The following TMC1 variants were observed in gnomAD, a reference collection of about 807,000 sequenced individuals.
TMC1 encodes transmembrane channel like 1, also known as transmembrane channel-like protein 1.
A neutral mutation model predicts 105.8 loss-of-function variants in TMC1; 84 were observed. The observed-to-expected ratio is 0.79, with a 90% CI of 0.67 to 0.95. TMC1 has a LOEUF of 0.95. Among genes scored for constraint, TMC1 ranks in the 40% least tolerant of loss-of-function variants. The pLI, the probability that TMC1 is intolerant of heterozygous loss-of-function variation, is 0.00. For missense variants in TMC1, 817 were observed against 914.1 expected (o/e 0.89, Z 1.37); for synonymous variants, 315 against 311.5 (o/e 1.01, Z -0.12).
At position 72,727,166 on chromosome 9, in the gene TMC1, T is replaced by A. The variant is rs569808107; in HGVS notation, c.363-12953T>A. 2.0e-5 allele frequency among the ~76,000 whole-genome samples: 3 copies of A among 152,338 alleles called. 1 individual carries two copies. In the East Asian group the frequency reaches 5.8e-4, roughly 29 times the overall value. On this transcript the variant is annotated intron_variant, in intron 8 of 23. Transcript: ENST00000297784. ...GGAATGCCCTCTCTGCCTACTCGAA[T>A]TCTATTAGCTCTTTAACATCCATTT...
rs1481117336 is a variant in TMC1, at chr9:72,788,430, G to A, written c.976G>A (p.Gly326Ser). 3.1e-6 allele frequency: 5 copies of A among 1,613,952 alleles called. No homozygotes were observed. Among genetic ancestry groups the A allele is most frequent in the Admixed American group, 3.3e-5 (2 of 60,018 alleles). Residue 326 changes from glycine (G) to serine (S), a missense_variant, in exon 14 of 24, where the codon GGC becomes AGC. Gly to Ser is a moderately conservative substitution (Grantham distance 56). Coordinates refer to ENST00000297784, the MANE Select transcript of TMC1 (RefSeq NM_138691.3). ...KVFTSWDYLI[G>S]NPETADNKFN... ...CTTTACCAGCTGGGACTACCTGATCGGCAATCCTGAAACAGCAGACAACAA... is the reference window on the plus strand; with the variant it reads ...CTTTACCAGCTGGGACTACCTGATCAGCAATCCTGAAACAGCAGACAACAA...
Position 72,789,324 on chromosome 9 carries a change from C to A in TMC1, c.1224+7C>A. On this transcript the variant is annotated splice_region_variant and intron_variant, in intron 15 of 23. Coordinates refer to ENST00000297784, the MANE Select transcript of TMC1 (RefSeq NM_138691.3). ...GTGGTGGGAAAAAAATGAAGTTCGT[C>A]TCTGCATGCTTTTTATGTGCTTAGA... The A allele has an allele frequency of 6.2e-7, 1 of 1,613,012 alleles. No homozygotes were observed. The highest frequency in any genetic ancestry group is 1.3e-5 in the African/African-American group (1 of 75,004).
intron 8 of TMC1, among the ~76,000 whole-genome samples, chr9:72,730,819 GA>G (rs1466549060): frequency 1.3e-5 from 2 of 152,202 alleles, no homozygotes; most frequent in African/African-American, 4.8e-5. Flanking sequence ...TCAGGAATTA[GA>G]TTCTCATAAG....
At chr9:72,716,592 C>G (rs1186911978) in intron 8 of TMC1, among the ~76,000 whole-genome samples, 10 of 152,164 alleles carry the variant, frequency 6.6e-5, no homozygotes, top group Admixed American at 6.5e-4. Context: ...CAAGCCTCAG[C>G]AATGGCAGAC....
At chr9:72,579,016 T>C (rs1348349190) in intron 2 of TMC1, among the ~76,000 whole-genome samples, 1 of 152,230 alleles carries the variant, frequency 6.6e-6, no homozygotes, top group East Asian at 1.9e-4. Flanking sequence ...CTAGGGCTTC[T>C]GGAATTCTCC....
chr9:72,681,327 T>C (rs964861280), intron 5 of TMC1, among the ~76,000 whole-genome samples: 1 of 152,170 alleles, frequency 6.6e-6, no homozygotes, highest in Admixed American at 6.6e-5. Context: ...CCACTTACTT[T>C]TTCATAACCA....
intron 10 of TMC1, among the ~76,000 whole-genome samples, chr9:72,748,168 C>T (rs1246167590): frequency 6.6e-6 from 1 of 152,156 alleles, no homozygotes; most frequent in East Asian, 1.9e-4. Context: ...TGGAGTCAAA[C>T]ACCTGTAGCT....
intron 8 of TMC1, among the ~76,000 whole-genome samples, chr9:72,707,681 T>C (rs1415421959): frequency 1.3e-5 from 2 of 152,184 alleles, no homozygotes; most frequent in African/African-American, 4.8e-5. Context: ...ATGTAGAGAT[T>C]GTGAAGACCT....
chr9:72,580,584 A>G (rs988800215), intron 2 of TMC1, among the ~76,000 whole-genome samples: 5 of 144,224 alleles, frequency 3.5e-5, no homozygotes, highest in African/African-American at 1.3e-4. Context: ...GTGTGTGTGC[A>G]TGCCAGTGCA....
intron 5 of TMC1, among the ~76,000 whole-genome samples, chr9:72,678,279 T>A (rs1826233603): frequency 6.6e-6 from 1 of 152,110 alleles, no homozygotes; most frequent in East Asian, 1.9e-4. Flanking sequence ...AATTTATTGA[T>A]CTCAGTAGTC....
intron 1 of TMC1, among the ~76,000 whole-genome samples, chr9:72,526,437 A>C (rs1267261819): frequency 2.0e-5 from 3 of 152,212 alleles, no homozygotes; most frequent in Non-Finnish European, 4.4e-5. Context: ...TGAAGATGCT[A>C]CTTAATCATG....
intron 12 of TMC1, among the ~76,000 whole-genome samples, 181 bp downstream of exon 12, chr9:72,755,065 AGG>A (rs1827653203): frequency 5.8e-5 from 6 of 103,506 alleles, no homozygotes; most frequent in African/African-American, 2.1e-4. Flanking sequence ...GGAGGGAGGG[AGG>A]GAGGGAGAGA....
At chr9:72,532,339 G>A (rs111564716) in intron 1 of TMC1, among the ~76,000 whole-genome samples, 3,239 of 151,620 alleles carry the variant, frequency 0.021, 101 homozygotes, top group African/African-American at 0.075. Flanking sequence ...TCAGGAGTTC[G>A]AGACCAGCCT....
chr9:72,614,839 C>T (rs1448061516), intron 2 of TMC1, among the ~76,000 whole-genome samples: 2 of 151,984 alleles, frequency 1.3e-5, no homozygotes, highest in African/African-American at 4.8e-5. Context: ...GCCACCATAC[C>T]TGGCTAATTT....
chr9:72,746,095 G>T (rs1261679608), intron 10 of TMC1, among the ~76,000 whole-genome samples: 1 of 152,098 alleles, frequency 6.6e-6, no homozygotes, highest in African/African-American at 2.4e-5. Context: ...AAATAAAGTT[G>T]GTTAAGTGTG....
At chr9:72,763,452 G>T (rs1215935371) in intron 12 of TMC1, among the ~76,000 whole-genome samples, 1 of 152,156 alleles carries the variant, frequency 6.6e-6, no homozygotes, top group Non-Finnish European at 1.5e-5. Flanking sequence ...AAGCTATATA[G>T]TGTTAAGAGA....
chr9:72,581,068 A>G (rs1824466885), intron 2 of TMC1, among the ~76,000 whole-genome samples: 1 of 152,220 alleles, frequency 6.6e-6, no homozygotes, highest in East Asian at 1.9e-4. Context: ...TCCTAACTTC[A>G]AAAGAATTTT....
intron 12 of TMC1, among the ~76,000 whole-genome samples, chr9:72,760,082 A>T (rs977039972): frequency 5.3e-5 from 8 of 152,028 alleles, no homozygotes; most frequent in African/African-American, 1.9e-4. Context: ...TTCTTTTTGT[A>T]TCATTTAAAT....
At chr9:72,574,090 G>A (rs1033273495) in intron 1 of TMC1, among the ~76,000 whole-genome samples, 2 of 152,154 alleles carry the variant, frequency 1.3e-5, no homozygotes, top group Non-Finnish European at 2.9e-5. Context: ...ATAGCCTCCA[G>A]CTCCATCCAT....
Sources: allele counts gnomAD v4.1 joint callset (sites outside exome capture counted in the v4.1 genomes callset), GRCh38; gene constraint gnomAD v4.1.1; transcripts MANE v1.5; gene names NCBI Gene and HGNC (gene_info 2026-07-23, HGNC 2026-07-21).